The following NEMF variants were observed in gnomAD, a reference collection of about 807,000 sequenced individuals.
NEMF encodes the protein nuclear export mediator factor.
NEMF carries 89 observed loss-of-function variants against 162.2 expected under a neutral mutation model. The observed-to-expected ratio is 0.55, with a 90% CI of 0.46 to 0.65. The LOEUF (loss-of-function observed/expected upper bound fraction) is 0.65. Among genes scored for constraint, NEMF ranks in the 30% least tolerant of loss-of-function variants. The pLI is 0.00. For synonymous variants in NEMF, 421 were observed against 404.5 expected, an observed-to-expected ratio of 1.04 and a Z score of -0.49; for missense variants, 1,133 against 1,261.9, an observed-to-expected ratio of 0.90 and a Z score of 1.55.
chr14:49,835,162 T>C (rs1892835942), intron 6 of NEMF, among the ~76,000 whole-genome samples: 1 of 149,668 alleles, frequency 6.7e-6, no homozygotes. Flanking sequence ...ATCGTGCCAT[T>C]GCACTGCAGC....
intron 16 of NEMF, chr14:49,820,537 G>A (rs1302117253): frequency 4.4e-6 from 2 of 455,960 alleles, no homozygotes; most frequent in Admixed American, 4.7e-5. Flanking sequence ...GGAAGGCCGA[G>A]GAGGGTGGAT....
At chr14:49,791,831 A>G in intron 26 of NEMF, among the ~76,000 whole-genome samples, 1 of 151,998 alleles carries the variant, frequency 6.6e-6, no homozygotes, top group Admixed American at 6.6e-5. Flanking sequence ...GAGAAAGAAT[A>G]TTGTAACCAA....
chr14:49,811,381 C>G (rs1891471092), intron 18 of NEMF, among the ~76,000 whole-genome samples: 1 of 151,798 alleles, frequency 6.6e-6, no homozygotes, highest in African/African-American at 2.4e-5. Context: ...TGTGTGTGAC[C>G]ATATCAACTG....
At chr14:49,826,411 A>G (rs1014942192) in intron 15 of NEMF, among the ~76,000 whole-genome samples, 2 of 152,236 alleles carry the variant, frequency 1.3e-5, no homozygotes, top group African/African-American at 2.4e-5. Context: ...CTACAGGAAT[A>G]TAACAAGGAA....
In NEMF at chr14:49,840,752, C is replaced by T; in HGVS notation, c.472G>A (p.Ala158Thr). 2 of 1,613,932 alleles carry T rather than the reference C, an allele frequency of 1.2e-6. No individual in the cohort carries two copies. The highest frequency in any genetic ancestry group is 1.7e-6 in the Non-Finnish European group (2 of 1,179,980). ...GTAAGCAAAGGTTCAGCAGCTCTAG[C>T]ATGATCAAGTGGATAGCGTTCACGA... Reference protein sequence around the residue: ...AVRERYPLDHARAAEPLLTLE... With the variant: ...AVRERYPLDHTRAAEPLLTLE... Residue 158 changes from alanine to threonine, a missense_variant, in exon 5 of 33, where the codon GCT becomes ACT. Coordinates refer to ENST00000298310, the MANE Select transcript of NEMF (RefSeq NM_004713.6).
intron 26 of NEMF, among the ~76,000 whole-genome samples, chr14:49,790,258 A>G (rs2139828290): frequency 6.6e-6 from 1 of 152,352 alleles, no homozygotes; most frequent in Non-Finnish European, 1.5e-5. Flanking sequence ...GAAAAACAGC[A>G]ATCCCCAAAG....
chr14:49,819,345 GTTTCA>G (rs1284882865), intron 16 of NEMF, among the ~76,000 whole-genome samples: 1 of 151,760 alleles, frequency 6.6e-6, no homozygotes, highest in East Asian at 1.9e-4. Context: ...GTGCTTGACT[GTTTCA>G]TTTCATTATG....
At chr14:49,832,748 C>T (rs532072754) in intron 8 of NEMF, among the ~76,000 whole-genome samples, 8 of 152,122 alleles carry the variant, frequency 5.3e-5, no homozygotes, top group Non-Finnish European at 1.0e-4. Flanking sequence ...AAGAAAAACA[C>T]TCATAAGCTA....
At position 49,852,632 on chromosome 14, in the gene NEMF, A is replaced by G. The variant is rs1594820455; in HGVS notation, c.59+63T>C. 1.0e-5 allele frequency: 16 copies of G among 1,563,982 alleles called. No individual in the cohort carries two copies. In the East Asian group the frequency reaches 3.4e-4, roughly 33 times the overall value. On this transcript the variant is annotated intron_variant, in intron 1 of 32. Transcript: ENST00000298310. ...CATATCAAGCTGGTCTGTTTGCGCC[A>G]TGGGACTCCGGCCTCTGCCTCCTGC...
intron 15 of NEMF, among the ~76,000 whole-genome samples, chr14:49,827,642 G>A (rs1285659882): frequency 2.0e-5 from 3 of 152,036 alleles, no homozygotes; most frequent in Admixed American, 6.6e-5. Flanking sequence ...GTGAAACCCT[G>A]TCTCTACTAA....
At chr14:49,840,103 T>G (rs1245577774) in intron 5 of NEMF, among the ~76,000 whole-genome samples, 1 of 151,900 alleles carries the variant, frequency 6.6e-6, no homozygotes, top group Non-Finnish European at 1.5e-5. Flanking sequence ...AAGACTGCAG[T>G]GAGCTATGAT....
intron 26 of NEMF, among the ~76,000 whole-genome samples, 195 bp downstream of exon 26, chr14:49,795,596 C>T (rs1432089434): frequency 6.6e-6 from 1 of 152,204 alleles, no homozygotes; most frequent in Non-Finnish European, 1.5e-5. Context: ...TGCAGATGAT[C>T]TTGAAAGTCT....
chr14:49,797,875 C>T (rs547996651), intron 25 of NEMF, among the ~76,000 whole-genome samples: 83 of 152,312 alleles, frequency 5.4e-4, no homozygotes, highest in Admixed American at 2.5e-3. Flanking sequence ...TTCCTGGCCA[C>T]GGCTACCATC....
intron 18 of NEMF, among the ~76,000 whole-genome samples, chr14:49,809,820 A>T (rs1891386931): frequency 6.6e-6 from 1 of 152,012 alleles, no homozygotes; most frequent in Non-Finnish European, 1.5e-5. Flanking sequence ...GAGATTACGC[A>T]ACTGCACTCC....
Position 49,834,403 on chromosome 14 carries a change from G to A in NEMF, c.621C>T (p.Phe207=), listed in dbSNP as rs770219251. ...LIEHCLLENG[F]SGNVKVDEKL... ...TTTCATCCACTTTGACATTACCCGA[G>A]AATCCATTTTCTAAAAGACAGTGTT... The change falls in exon 7 of 33, where the codon TTC becomes TTT. Residue 207 remains phenylalanine (F), a synonymous_variant. Transcript: ENST00000298310. The A allele has an allele frequency of 6.2e-7, 1 of 1,608,944 alleles. No homozygotes were observed. Among genetic ancestry groups the A allele is most frequent in the Non-Finnish European group, 8.5e-7 (1 of 1,175,346 alleles).
Position 49,784,784 on chromosome 14 carries a change from G to A in NEMF, c.3154-71C>T, listed in dbSNP as rs1360849205. 1.1e-5 allele frequency: 16 copies of A among 1,477,086 alleles called. No homozygotes were observed. In the Admixed American group the frequency reaches 1.3e-4, roughly 12 times the overall value. 91.5% of individuals were successfully genotyped at this position (1,477,086 alleles called of 1,614,324 possible). On this transcript the variant is annotated intron_variant, in intron 32 of 32. Transcript: ENST00000298310. Reference sequence around the variant, plus strand: ...ATCATGTTTCTTTTATGACAAAAACGAAAAACATTTCCAAACTTTTAGCTG... The same window carrying A: ...ATCATGTTTCTTTTATGACAAAAACAAAAAACATTTCCAAACTTTTAGCTG...
intron 6 of NEMF, among the ~76,000 whole-genome samples, chr14:49,835,808 C>G (rs1285241381): frequency 1.3e-5 from 2 of 152,166 alleles, no homozygotes; most frequent in African/African-American, 4.8e-5. Flanking sequence ...ACAAGTTTAT[C>G]AGGTTTGCAG....
At chr14:49,828,588 G>A (rs1892480027) in intron 14 of NEMF, 28 bp downstream of exon 14, 3 of 1,480,028 alleles carry the variant, frequency 2.0e-6, no homozygotes, top group Admixed American at 2.5e-5. Flanking sequence ...ATAACACTTG[G>A]CCTAAAATGT....
chr14:49,784,707 C>G lies in NEMF; in HGVS notation c.3160G>C (p.Asp1054His). The change falls in exon 33 of 33, where the codon GAT (aspartate) becomes CAT (histidine). Residue 1054 changes from aspartate to histidine, a missense_variant. By Grantham distance (81) the Asp-to-His change is moderately conservative. This residue lies in a region of NEMF where 532 missense variants were observed against 578.6 expected (regional missense o/e 0.92). Transcript: ENST00000298310. The part of the protein sequence containing the change: ...KDLFRSVKDT[D>H]LSRNIPGKVK... ...TTGCCAGGAATGTTTCTTGATAAAT[C>G]TGTGTCCTAAAAAAAGAAAATTGCT... 1 of 1,612,410 alleles carries G rather than the reference C, an allele frequency of 6.2e-7. No individual in the cohort carries two copies. Among genetic ancestry groups the G allele is most frequent in the South Asian group, 1.1e-5 (1 of 90,796 alleles).
Sources: gnomAD v4.1 joint callset for allele counts (sites outside exome capture counted in the v4.1 genomes callset) on GRCh38, gnomAD v4.1.1 for gene constraint, gnomAD v4.1.1 regional missense constraint, MANE v1.5 for transcripts, NCBI Gene and HGNC (gene_info 2026-07-23, HGNC 2026-07-21) for gene names.